Variants in TAFA2 observed in about 807,000 individuals in gnomAD.
TAFA2 encodes chemokine-like protein TAFA-2.
In TAFA2, 7 loss-of-function variants were observed where a neutral mutation model predicts 18.8. The observed-to-expected ratio is 0.37, with a 90% CI of 0.21 to 0.70. The LOEUF (loss-of-function observed/expected upper bound fraction) is 0.70. Among genes scored for constraint, TAFA2 ranks in the 30% least tolerant of loss-of-function variants. The pLI is 0.53. For synonymous variants in TAFA2, 60 were observed against 54.2 expected (o/e 1.11, Z -0.47); for missense variants, 122 against 158.1 (o/e 0.77, Z 1.23).
chr12:61,882,667 A>C (rs559698448), intron 1 of TAFA2, among the ~76,000 whole-genome samples: 1 of 152,258 alleles, frequency 6.6e-6, no homozygotes, highest in African/African-American at 2.4e-5. Flanking sequence ...AATTTATTAC[A>C]TATAACTTTC....
chr12:62,235,988 TA>T (rs763716263), intron 1 of TAFA2, among the ~76,000 whole-genome samples: 23 of 148,500 alleles, frequency 1.5e-4, no homozygotes, highest in South Asian at 2.1e-4. Context: ...CAAAGAAAAT[TA>T]AAAAAAAAAC....
chr12:61,921,140 A>G (rs349885), intron 1 of TAFA2, among the ~76,000 whole-genome samples: 34,474 of 152,186 alleles, frequency 0.23, 6,497 homozygotes, highest in African/African-American at 0.53. Context: ...TTGACTCTGA[A>G]TGGCAAAGAG....
At chr12:61,869,800 T>A (rs977512521) in intron 1 of TAFA2, among the ~76,000 whole-genome samples, 1 of 152,204 alleles carries the variant, frequency 6.6e-6, no homozygotes, top group African/African-American at 2.4e-5. Flanking sequence ...GTTTTAAGAA[T>A]CTTCTCTTTT....
intron 1 of TAFA2, among the ~76,000 whole-genome samples, chr12:62,014,405 A>C (rs1212608823): frequency 2.0e-5 from 3 of 152,120 alleles, no homozygotes; most frequent in East Asian, 1.9e-4. Context: ...AAGGCGGGCG[A>C]ATCGCTTGTG....
intron 4 of TAFA2, among the ~76,000 whole-genome samples, chr12:61,731,260 T>A (rs977289658): frequency 2.6e-4 from 40 of 152,124 alleles, no homozygotes; most frequent in Non-Finnish European, 4.7e-4. Context: ...GGTACTGAGT[T>A]TTTTGTCTGT....
chr12:62,181,141 G>GC (rs1182598557), intron 1 of TAFA2, among the ~76,000 whole-genome samples: 1 of 151,956 alleles, frequency 6.6e-6, no homozygotes, highest in African/African-American at 2.4e-5. Context: ...AAAAACTGGT[G>GC]CCCCCCGCCC....
chr12:62,237,352 A>T (rs2062842857), intron 1 of TAFA2, among the ~76,000 whole-genome samples: 1 of 152,044 alleles, frequency 6.6e-6, no homozygotes, highest in South Asian at 2.1e-4. Flanking sequence ...AGTTTAACAA[A>T]CGTATTTCTC....
chr12:62,243,976 T>C (rs1041673388), intron 1 of TAFA2, among the ~76,000 whole-genome samples: 1 of 152,098 alleles, frequency 6.6e-6, no homozygotes, highest in Non-Finnish European at 1.5e-5. Flanking sequence ...CTTTTGTAGA[T>C]GCAGGGTCTC....
At chr12:61,746,012 C>G (rs1202198091) in intron 4 of TAFA2, among the ~76,000 whole-genome samples, 1 of 151,746 alleles carries the variant, frequency 6.6e-6, no homozygotes, top group Non-Finnish European at 1.5e-5. Context: ...TGAATAAGGC[C>G]AGAGAGCCTC....
At chr12:62,257,142 GTA>G (rs1162330680) in intron 1 of TAFA2, among the ~76,000 whole-genome samples, 1 of 10,508 alleles carries the variant, frequency 9.5e-5, no homozygotes, top group Non-Finnish European at 2.2e-4. Flanking sequence ...ATGTACATGT[GTA>G]TATATATATA....
At position 61,813,068 on chromosome 12, in the gene TAFA2, T is replaced by C. The variant is rs140090627; in HGVS notation, c.106+54252A>G. Among the ~76,000 whole-genome samples, 983 of 151,630 alleles carry C rather than the reference T, an allele frequency of 6.5e-3. 52 individuals are homozygous for C. The highest frequency in any genetic ancestry group is 0.023 in the African/African-American group (923 of 40,900). ...CACTGTTTAAACTCTATCATCATCA[T>C]GATTGTGTAGCATTCCATCAATTGG... On this transcript the variant is annotated intron_variant, in intron 2 of 4. Transcript: ENST00000416284.
intron 1 of TAFA2, among the ~76,000 whole-genome samples, chr12:62,189,377 G>T (rs908211610): frequency 1.5e-4 from 23 of 152,296 alleles, no homozygotes; most frequent in Non-Finnish European, 1.2e-4. Flanking sequence ...AAGCTCCAGT[G>T]TGGTAACTGA....
At chr12:61,880,459 T>C in intron 1 of TAFA2, 1 of 538,244 alleles carries the variant, frequency 1.9e-6, no homozygotes, top group Non-Finnish European at 3.8e-6. Context: ...AGCTGATGAA[T>C]GTCAAGCTGG....
At chr12:61,747,580 C>T (rs1283898606) in intron 4 of TAFA2, among the ~76,000 whole-genome samples, 26 of 150,346 alleles carry the variant, frequency 1.7e-4, no homozygotes, top group Admixed American at 2.7e-4. Context: ...ATGGATGAAA[C>T]TGGAAATCAT....
intron 1 of TAFA2, among the ~76,000 whole-genome samples, chr12:62,114,040 A>G (rs1461959027): frequency 6.6e-6 from 1 of 152,022 alleles, no homozygotes; most frequent in Non-Finnish European, 1.5e-5. Flanking sequence ...CCAGGGTGTG[A>G]AAAAAAACCT....
intron 2 of TAFA2, among the ~76,000 whole-genome samples, chr12:61,834,769 T>C (rs1295138741): frequency 6.6e-6 from 1 of 152,102 alleles, no homozygotes; most frequent in Non-Finnish European, 1.5e-5. Flanking sequence ...GATTTTATTA[T>C]TGGACTGGAT....
At chr12:62,177,634 G>A (rs559996352) in intron 1 of TAFA2, among the ~76,000 whole-genome samples, 106 of 152,110 alleles carry the variant, frequency 7.0e-4, no homozygotes, top group South Asian at 3.5e-3. Flanking sequence ...CTTGGGTATC[G>A]CAAAGGTACC....
chr12:61,965,696 A>G (rs998389424), intron 1 of TAFA2, among the ~76,000 whole-genome samples: 3 of 152,046 alleles, frequency 2.0e-5, no homozygotes, highest in African/African-American at 7.2e-5. Flanking sequence ...ACTAGTTCCA[A>G]CAGTACTTTG....
chr12:62,090,252 A>T (rs1263211892), intron 1 of TAFA2, among the ~76,000 whole-genome samples: 1 of 152,068 alleles, frequency 6.6e-6, no homozygotes, highest in Non-Finnish European at 1.5e-5. Context: ...CAATTAATGG[A>T]CTGAATTGAA....
Sources: gnomAD v4.1 joint callset for allele counts (sites outside exome capture counted in the v4.1 genomes callset) on GRCh38, gnomAD v4.1.1 for gene constraint, MANE v1.5 for transcripts, NCBI Gene and HGNC (gene_info 2026-07-23, HGNC 2026-07-21) for gene names.